LGR4: variants seen among roughly 807,000 people sequenced by gnomAD.
The protein encoded by LGR4 is leucine-rich repeat-containing G protein-coupled receptor 4.
LGR4 carries 44 observed loss-of-function variants against 84.8 expected under a neutral mutation model. The ratio of observed to expected loss-of-function variants is 0.52; its 90% CI spans 0.41 to 0.67. The LOEUF (loss-of-function observed/expected upper bound fraction) is 0.67. Among genes scored for constraint, LGR4 ranks in the 30% least tolerant of loss-of-function variants. LGR4 has a pLI of 0.00. For missense variants in LGR4, 1,032 were observed against 1,131.4 expected (o/e 0.91, Z 1.26); for synonymous variants, 429 against 434.3 (o/e 0.99, Z 0.15).
At chr11:27,425,985 G>C (rs906808910) in intron 1 of LGR4, among the ~76,000 whole-genome samples, 1 of 152,138 alleles carries the variant, frequency 6.6e-6, no homozygotes, top group African/African-American at 2.4e-5. Context: ...AGTGCCATGT[G>C]TGGTCATAGC....
At chr11:27,440,681 T>C (rs913364345) in intron 1 of LGR4, among the ~76,000 whole-genome samples, 3 of 152,180 alleles carry the variant, frequency 2.0e-5, no homozygotes, top group Non-Finnish European at 2.9e-5. Context: ...CTCTTTATTT[T>C]TCACTAAGAA....
chr11:27,413,335 GGT>G (rs1365419781), intron 1 of LGR4, among the ~76,000 whole-genome samples: 2 of 152,046 alleles, frequency 1.3e-5, no homozygotes, highest in Non-Finnish European at 2.9e-5. Context: ...AAGTCCTCCA[GGT>G]AACAGTTGTC....
intron 7 of LGR4, 145 bp downstream of exon 7, chr11:27,382,043 T>A (rs536032211): frequency 4.8e-5 from 30 of 623,680 alleles, no homozygotes; most frequent in Non-Finnish European, 7.4e-5. Flanking sequence ...TCGAACACAA[T>A]CCAACTTTAT....
chr11:27,393,467 C>T (rs193156067), intron 2 of LGR4, among the ~76,000 whole-genome samples: 30 of 152,234 alleles, frequency 2.0e-4, no homozygotes, highest in Admixed American at 1.4e-3. Flanking sequence ...CTCTCTTCTA[C>T]ACATGTCTCA....
At chr11:27,435,834 T>C (rs185240102) in intron 1 of LGR4, among the ~76,000 whole-genome samples, 430 of 152,034 alleles carry the variant, frequency 2.8e-3, no homozygotes, top group Non-Finnish European at 5.0e-3. Flanking sequence ...AGGCAAATGG[T>C]TCACATATCT....
At chr11:27,431,299 A>T (rs1392235141) in intron 1 of LGR4, among the ~76,000 whole-genome samples, 1 of 152,166 alleles carries the variant, frequency 6.6e-6, no homozygotes, top group Non-Finnish European at 1.5e-5. Context: ...GGGTATTAAC[A>T]AACTTTCCAT....
intron 1 of LGR4, among the ~76,000 whole-genome samples, chr11:27,433,188 G>C (rs1864142475): frequency 6.6e-6 from 1 of 152,146 alleles, no homozygotes; most frequent in African/African-American, 2.4e-5. Flanking sequence ...CCCTAGATCA[G>C]TCACAGGGAA....
At chr11:27,371,833 T>C (rs922746173) in intron 16 of LGR4, 135 bp from the exon 17 acceptor site, 1 of 641,998 alleles carries the variant, frequency 1.6e-6, no homozygotes, top group African/African-American at 1.8e-5. Flanking sequence ...AAGATGCTGG[T>C]AGCATAGTGA....
At chr11:27,465,501 A>G (rs1864761417) in intron 1 of LGR4, among the ~76,000 whole-genome samples, 1 of 152,218 alleles carries the variant, frequency 6.6e-6, no homozygotes, top group Non-Finnish European at 1.5e-5. Context: ...TGCTTTAAAG[A>G]TCTTGCTAAA....
At chr11:27,377,353 A>T (rs562097061) in intron 11 of LGR4, 130 bp from the exon 12 acceptor site, 5 of 485,670 alleles carry the variant, frequency 1.0e-5, no homozygotes, top group Non-Finnish European at 1.5e-5. Context: ...AAGAAAAACA[A>T]GTCTTTTTTC....
chr11:27,415,526 T>A (rs1229790420), intron 1 of LGR4, among the ~76,000 whole-genome samples: 1 of 152,172 alleles, frequency 6.6e-6, no homozygotes, highest in Non-Finnish European at 1.5e-5. Flanking sequence ...CTGTGAGCTG[T>A]AAATGCAATT....
At chr11:27,423,256 G>T (rs1178630499) in intron 1 of LGR4, among the ~76,000 whole-genome samples, 1 of 152,198 alleles carries the variant, frequency 6.6e-6, no homozygotes, top group African/African-American at 2.4e-5. Context: ...ACCTCATTAT[G>T]TTGAGGCAAG....
chr11:27,414,854 G>A (rs947551253), intron 1 of LGR4, among the ~76,000 whole-genome samples: 2 of 152,042 alleles, frequency 1.3e-5, no homozygotes, highest in African/African-American at 4.8e-5. Context: ...GATTGCTTGG[G>A]TGGCTTCCTG....
intron 15 of LGR4, among the ~76,000 whole-genome samples, chr11:27,372,773 G>C (rs558136600): frequency 6.6e-6 from 1 of 152,220 alleles, no homozygotes; most frequent in Admixed American, 6.5e-5. Flanking sequence ...AATGCCCCAG[G>C]TCATTTGTGA....
chr11:27,470,288 T>C (rs1391931935), intron 1 of LGR4, among the ~76,000 whole-genome samples: 1 of 152,186 alleles, frequency 6.6e-6, no homozygotes, highest in Non-Finnish European at 1.5e-5. Context: ...TACCAGAAGA[T>C]GCTTTGGAGA....
At chr11:27,394,070 A>G (rs1863341473) in intron 2 of LGR4, among the ~76,000 whole-genome samples, 1 of 151,728 alleles carries the variant, frequency 6.6e-6, no homozygotes, top group Non-Finnish European at 1.5e-5. Context: ...AGGCGATACC[A>G]CCAAGTAGCA....
chr11:27,421,148 G>A (rs1307138414), intron 1 of LGR4, among the ~76,000 whole-genome samples: 1 of 152,176 alleles, frequency 6.6e-6, no homozygotes, highest in East Asian at 1.9e-4. Context: ...CTAGGAAGAA[G>A]AAACCCAGAC....
rs1307805867 is a variant in LGR4 at position 27,367,173 on chromosome 11, A to T, written c.*694T>A. 6.6e-6 allele frequency: 1 copy of T among 152,228 alleles called. No individual in the cohort carries two copies. The highest frequency in any genetic ancestry group is 1.9e-4 in the East Asian group (1 of 5,204). 9.4% of individuals were successfully genotyped at this position (152,228 alleles called of 1,614,324 possible). A position where few individuals can be genotyped will look rare whatever the true frequency, so the allele number is the denominator to read the frequency against. ...TAGTGTAATCACAAAACACTTAAGAAAAAATTACTGATTGGACCAAAGCAA... is the reference window on the plus strand; with the variant it reads ...TAGTGTAATCACAAAACACTTAAGATAAAATTACTGATTGGACCAAAGCAA... On this transcript the variant is annotated 3_prime_UTR_variant, in exon 18 of 18. Transcript: ENST00000379214.
At chr11:27,444,767 A>G (rs948154883) in intron 1 of LGR4, among the ~76,000 whole-genome samples, 2 of 152,176 alleles carry the variant, frequency 1.3e-5, no homozygotes, top group Non-Finnish European at 2.9e-5. Flanking sequence ...AAATGCTCTG[A>G]AATATAATCT....
Sources: allele counts gnomAD v4.1 joint callset (sites outside exome capture counted in the v4.1 genomes callset), GRCh38; gene constraint gnomAD v4.1.1; transcripts MANE v1.5; gene names NCBI Gene and HGNC (gene_info 2026-07-23, HGNC 2026-07-21).